ICE2: variants seen among roughly 807,000 people sequenced by gnomAD.
The protein encoded by ICE2 is interactor of little elongation complex ELL subunit 2.
In ICE2, 87 loss-of-function variants were observed where a neutral mutation model predicts 105.4. The observed-to-expected ratio is 0.83, with a 90% CI of 0.69 to 0.99. The LOEUF is 0.99. Among genes scored for constraint, ICE2 ranks in the 50% least tolerant of loss-of-function variants. The pLI, the probability that ICE2 is intolerant of heterozygous loss-of-function variation, is 0.00. For missense variants in ICE2, 1,323 were observed against 1,146.7 expected, an observed-to-expected ratio of 1.15 and a Z score of -2.22; for synonymous variants, 399 against 392.0, an observed-to-expected ratio of 1.02 and a Z score of -0.21.
chr15:60,473,361 C>T (rs1482227495), intron 3 of ICE2, among the ~76,000 whole-genome samples: 1 of 151,986 alleles, frequency 6.6e-6, no homozygotes, highest in South Asian at 2.1e-4. Flanking sequence ...GCGTCATCCT[C>T]GCTCACTGCA....
At chr15:60,453,319 A>G (rs563619989) in intron 9 of ICE2, 49 of 1,160,484 alleles carry the variant, frequency 4.2e-5, no homozygotes, top group Middle Eastern at 3.6e-4. Context: ...CACTACATAC[A>G]TAACTAAAAA....
rs2064754237 is a variant in ICE2 at position 60,476,095 on chromosome 15, T to G, written c.114A>C (p.Pro38=). The G allele has an allele frequency of 6.2e-7, 1 of 1,606,466 alleles. No individual in the cohort carries two copies. The highest frequency in any genetic ancestry group is 1.1e-5 in the South Asian group (1 of 89,710). ...ATAAAACACGTAGTTCTTTTAAACT[T>G]GGAGCCATGGAATGATCTTTATAAT... ...RENYKDHSMA[P]SLKELRVLSN... Residue 38 remains proline (P), a synonymous_variant, in exon 3 of 16, where the codon CCA becomes CCC. Transcript: ENST00000261520.
At chr15:60,474,008 A>G (rs969659716) in intron 3 of ICE2, among the ~76,000 whole-genome samples, 1 of 152,194 alleles carries the variant, frequency 6.6e-6, no homozygotes, top group African/African-American at 2.4e-5. Context: ...TCCTGGGCTC[A>G]AGTGATCCTC....
chr15:60,460,400 A>C (rs899328555), intron 5 of ICE2, among the ~76,000 whole-genome samples: 2 of 152,212 alleles, frequency 1.3e-5, no homozygotes, highest in Admixed American at 1.3e-4. Context: ...CGGTAGGCCG[A>C]GGCAGGAGAG....
Position 60,447,964 on chromosome 15 carries a change from A to G in ICE2, c.2295+6T>C. ...TCATATTCTAACTCCGCAAATAACA[A>G]CTTACTCTTCTGATTTTCTTCCGTT... On this transcript the variant is annotated splice_donor_region_variant and intron_variant, in intron 11 of 15. Transcript: ENST00000261520. 1 of 1,605,540 alleles carries G rather than the reference A, an allele frequency of 6.2e-7. No homozygotes were observed. Among genetic ancestry groups the G allele is most frequent in the Non-Finnish European group, 8.5e-7 (1 of 1,176,002 alleles).
At chr15:60,472,637 A>G (rs2141163869) in intron 3 of ICE2, among the ~76,000 whole-genome samples, 1 of 152,314 alleles carries the variant, frequency 6.6e-6, no homozygotes, top group Non-Finnish European at 1.5e-5. Flanking sequence ...TTCCTTGTAC[A>G]AAGCCAGGCT....
Position 60,442,509 on chromosome 15 carries a change from G to A in ICE2, c.2332C>T (p.Gln778Ter), listed in dbSNP as rs1429819793. ...AGAGCTTCAACTCCATAACAAGCTTGATACTCTACTTTTGGTAGTACATAA... is the reference window on the plus strand; with the variant it reads ...AGAGCTTCAACTCCATAACAAGCTTAATACTCTACTTTTGGTAGTACATAA... ...PVYVLPKVEYQACYGVEALTE... is the reference protein window; with the variant it reads ...PVYVLPKVEY The change falls in exon 12 of 16, where the codon CAA becomes TAA. Residue 778 changes from glutamine to a stop codon, truncating the protein, a stop_gained. Coordinates refer to ENST00000261520, the MANE Select transcript of ICE2 (RefSeq NM_024611.6). LOFTEE classifies it high-confidence loss of function. The A allele has an allele frequency of 6.3e-7, 1 of 1,588,164 alleles. No individual in the cohort carries two copies. Among genetic ancestry groups the A allele is most frequent in the African/African-American group, 1.4e-5 (1 of 73,664 alleles).
Position 60,448,941 on chromosome 15 carries a change from G to A in ICE2, c.2026C>T (p.Gln676Ter), listed in dbSNP as rs2063891041. The change falls in exon 10 of 16, where the codon CAG becomes TAG. Residue 676 changes from glutamine (Q) to a stop codon, truncating the protein, a stop_gained. Transcript: ENST00000261520. LOFTEE classifies it high-confidence loss of function. ...LPLMNLENSK[Q>*]PSVSEQLSGP... ...GACAATTGCTCAGAAACAGAAGGCT[G>A]TTTAGAATTTTCTAAATTCATTAAG... 1 of 1,613,832 alleles carries A rather than the reference G, an allele frequency of 6.2e-7. No homozygotes were observed. Among genetic ancestry groups the A allele is most frequent in the African/African-American group, 1.3e-5 (1 of 74,914 alleles).
In ICE2 at chr15:60,422,835, T is replaced by C. The variant is rs890552468; in HGVS notation, c.*799A>G. 6 of 149,670 alleles carry C rather than the reference T, an allele frequency of 4.0e-5. No homozygotes were observed. The highest frequency in any genetic ancestry group is 1.5e-4 in the African/African-American group (6 of 40,408). 9.3% of individuals were successfully genotyped at this position (149,670 alleles called of 1,614,324 possible). ...GCCTGGGCAACAGAGCGAGACTCCA[T>C]CTCAAAAAAAAAAAAAAGCTTATGC... On this transcript the variant is annotated 3_prime_UTR_variant, in exon 16 of 16. Coordinates refer to ENST00000261520, the MANE Select transcript of ICE2 (RefSeq NM_024611.6).
intron 9 of ICE2, chr15:60,451,358 T>C (rs2063962395): frequency 3.2e-6 from 3 of 930,540 alleles, no homozygotes; most frequent in Non-Finnish European, 3.8e-6. Flanking sequence ...ACAAAGAAAA[T>C]CTCAATATAG....
At chr15:60,445,520 T>C in intron 11 of ICE2, 1 of 932,998 alleles carries the variant, frequency 1.1e-6, no homozygotes, top group Non-Finnish European at 1.3e-6. Context: ...CACTGAAAAT[T>C]TTAAAATTTT....
At chr15:60,465,339 A>C (rs1335447545) in intron 5 of ICE2, among the ~76,000 whole-genome samples, 3 of 152,166 alleles carry the variant, frequency 2.0e-5, no homozygotes, top group Admixed American at 6.5e-5. Context: ...CTAGGACTAC[A>C]GGCACATGCC....
chr15:60,469,257 T>G (rs2064516374), intron 3 of ICE2, among the ~76,000 whole-genome samples: 1 of 151,946 alleles, frequency 6.6e-6, no homozygotes. Flanking sequence ...TGAGAACACA[T>G]GGACACAGGG....
At chr15:60,442,000 G>A (rs1028181329) in intron 12 of ICE2, 1 of 153,148 alleles carries the variant, frequency 6.5e-6, no homozygotes, top group African/African-American at 2.4e-5. Context: ...TATTAAATAA[G>A]TGTTTCTAAA....
At position 60,455,149 on chromosome 15, in the gene ICE2, T is replaced by C. The variant is rs1459430553; in HGVS notation, c.797A>G (p.Asp266Gly). The C allele has an allele frequency of 1.3e-6, 2 of 1,576,216 alleles. No homozygotes were observed. Among genetic ancestry groups the C allele is most frequent in the Non-Finnish European group, 1.7e-6 (2 of 1,167,546 alleles). The change falls in exon 8 of 16, where the codon GAT becomes GGT. Residue 266 changes from aspartate to glycine, a missense_variant. Transcript: ENST00000261520. ...AEAMHYDISKDPNAEKLVSRY... is the reference protein window; with the variant it reads ...AEAMHYDISKGPNAEKLVSRY... ...GGAAACAAGCTTCTCTGCATTTGGA[T>C]CTTTACTAATATCCTGAAAAACAAC...
At chr15:60,451,735 T>G (rs922384127) in intron 9 of ICE2, 3 of 443,448 alleles carry the variant, frequency 6.8e-6, no homozygotes, top group Non-Finnish European at 9.0e-6. Context: ...GTGCAGCCCC[T>G]TTGGGGTCCA....
chr15:60,461,804 T>C (rs966795424), intron 5 of ICE2, among the ~76,000 whole-genome samples: 1 of 152,144 alleles, frequency 6.6e-6, no homozygotes, highest in African/African-American at 2.4e-5. Context: ...AGTCTTGAAA[T>C]ATCATTTCAC....
chr15:60,460,759 T>A (rs546827147), intron 5 of ICE2, among the ~76,000 whole-genome samples: 1 of 152,262 alleles, frequency 6.6e-6, no homozygotes, highest in Admixed American at 6.5e-5. Flanking sequence ...GCAAAGTCAC[T>A]CTCAGTTGAA....
rs2063243308 is a variant in ICE2, at chr15:60,421,662, A to C, written c.*1972T>G. ...TTCTGGTGCACACAAATGTACATTA[A>C]AAATAAAATAAAAAAGTGTAAGAGT... On this transcript the variant is annotated 3_prime_UTR_variant, in exon 16 of 16. Transcript: ENST00000261520. 1.3e-5 allele frequency: 2 copies of C among 152,188 alleles called. No individual in the cohort carries two copies. The highest frequency in any genetic ancestry group is 2.9e-5 in the Non-Finnish European group (2 of 68,040). 9.4% of individuals were successfully genotyped at this position (152,188 alleles called of 1,614,324 possible).
Sources: allele counts gnomAD v4.1 joint callset (sites outside exome capture counted in the v4.1 genomes callset), GRCh38; gene constraint gnomAD v4.1.1; transcripts MANE v1.5; gene names NCBI Gene and HGNC (gene_info 2026-07-23, HGNC 2026-07-21).